The following VPS11 variants were observed in gnomAD, a reference collection of about 807,000 sequenced individuals.
VPS11 encodes the protein vacuolar protein sorting-associated protein 11 homolog.
VPS11 carries 51 observed loss-of-function variants against 106.8 expected under a neutral mutation model. That is an observed-to-expected ratio of 0.48 (90% CI 0.38 to 0.60). VPS11 has a LOEUF of 0.60. Among genes scored for constraint, VPS11 ranks in the 20% least tolerant of loss-of-function variants. VPS11 has a pLI of 0.00. For synonymous variants in VPS11, 453 were observed against 458.7 expected, an observed-to-expected ratio of 0.99 and a Z score of 0.16; for missense variants, 950 against 1,190.0, an observed-to-expected ratio of 0.80 and a Z score of 2.97.
chr11:119,067,958 C>T lies in VPS11; in HGVS notation c.135C>T (p.Leu45=), dbSNP rs2133639919. Residue 45 remains leucine (L), a synonymous_variant, in exon 1 of 16, where the codon CTC becomes CTT. Transcript: ENST00000621676. The part of the protein sequence containing the change: ...SGSAASKFLC[L]PPGITVCDSG... ...CCGCTGCTTCCAAGTTCCTTTGCCT[C>T]CCTCCTGGCATCACTGTCTGCGACT... 5.0e-6 allele frequency: 8 copies of T among 1,612,826 alleles called. No homozygotes were observed. The highest frequency in any genetic ancestry group is 1.7e-5 in the Admixed American group (1 of 59,840).
In VPS11 at chr11:119,071,862, G is replaced by A. The variant is rs782537907; in HGVS notation, c.884+19G>A. On this transcript the variant is annotated intron_variant, in intron 5 of 15. Transcript: ENST00000621676. ...CTCCCAAGTAAGGACTCAGTGAGAA[G>A]GGACAGGGAGAGGGCTGGACTTGTT... 21 of 1,605,560 alleles carry A rather than the reference G, an allele frequency of 1.3e-5. No homozygotes were observed. The highest frequency in any genetic ancestry group is 1.7e-5 in the Admixed American group (1 of 59,822).
Position 119,077,934 on chromosome 11 carries a change from C to G in VPS11, c.1629C>G (p.Ser543Arg), listed in dbSNP as rs781955261. 4 of 1,613,904 alleles carry G rather than the reference C, an allele frequency of 2.5e-6. No individual in the cohort carries two copies. In the South Asian group the frequency reaches 4.4e-5, roughly 18 times the overall value. Residue 543 changes from serine to arginine, a missense_variant, in exon 10 of 16, where the codon AGC becomes AGG. By Grantham distance (110) the Ser-to-Arg change is moderately radical. This residue lies in a region of VPS11 where 453 missense variants were observed against 514.6 expected (regional missense o/e 0.88). Coordinates refer to ENST00000621676, the MANE Select transcript of VPS11 (RefSeq NM_021729.6). ...IGKLPFEQAE[S>R]NMKRYGKILM... ...AGCTGCCTTTTGAGCAGGCAGAGAG[C>G]AACATGAAGCGCTACGGCAAGATCC... is the stretch of plus-strand genomic sequence containing the variant.
chr11:119,076,218 C>T (rs1218274695), intron 7 of VPS11, among the ~76,000 whole-genome samples: 2 of 147,878 alleles, frequency 1.4e-5, no homozygotes, highest in African/African-American at 2.5e-5. Context: ...AGCGAAACTT[C>T]GTCTCAAAAA....
In VPS11 at chr11:119,077,658, C is replaced by CT. The variant is rs1945678917; in HGVS notation, c.1572+12dup. 6.3e-7 allele frequency: 1 copy of CT among 1,579,400 alleles called. No homozygotes were observed. ...CTAGAAGACATTAAGGTAGGTGAGA[C>CT]TGTCTTTTTTCCCCAAGAGACAGGG... is the stretch of plus-strand genomic sequence containing the variant. On this transcript the variant is annotated intron_variant, in intron 9 of 15. Coordinates refer to ENST00000621676, the MANE Select transcript of VPS11 (RefSeq NM_021729.6).
chr11:119,068,112 G>C (rs903912537), intron 1 of VPS11, 102 bp downstream of exon 1: 9 of 1,299,302 alleles, frequency 6.9e-6, no homozygotes, highest in South Asian at 3.0e-5. Flanking sequence ...GCGCCTCTTT[G>C]GTTTAGCTGG....
chr11:119,077,781 A>G, intron 9 of VPS11, 97 bp from the exon 10 acceptor site: 1 of 1,558,880 alleles, frequency 6.4e-7, no homozygotes, highest in Non-Finnish European at 8.7e-7. Context: ...ACTTGGGCAG[A>G]GCCCTGTCGT....
At chr11:119,076,154 A>C (rs111738504) in intron 7 of VPS11, among the ~76,000 whole-genome samples, 4,975 of 152,162 alleles carry the variant, frequency 0.033, 294 homozygotes, top group African/African-American at 0.11. Context: ...TGAACCCAGG[A>C]GGCGGAGGTT....
chr11:119,077,138 C>T, intron 8 of VPS11, 55 bp downstream of exon 8: 2 of 1,568,544 alleles, frequency 1.3e-6, no homozygotes, highest in Non-Finnish European at 1.7e-6. Context: ...CATGAGGTGG[C>T]TCCACCGGGA....
chr11:119,076,632 T>C (rs1945631449), intron 7 of VPS11, among the ~76,000 whole-genome samples: 1 of 152,290 alleles, frequency 6.6e-6, no homozygotes, highest in Admixed American at 6.5e-5. Context: ...AGAAACCTGT[T>C]TGGCCTCTTC....
At chr11:119,076,536 A>T (rs1265860146) in intron 7 of VPS11, among the ~76,000 whole-genome samples, 4 of 152,126 alleles carry the variant, frequency 2.6e-5, no homozygotes, top group Non-Finnish European at 4.4e-5. Context: ...CAAAAAAAAA[A>T]AAATTAATTA....
intron 5 of VPS11, 76 bp downstream of exon 5, chr11:119,071,919 T>C: frequency 6.5e-7 from 1 of 1,548,684 alleles, no homozygotes; most frequent in South Asian, 1.2e-5. Flanking sequence ...AAAATCCTAA[T>C]GCCTGGATAC....
chr11:119,068,608 G>A (rs888763863), intron 1 of VPS11, among the ~76,000 whole-genome samples: 1 of 151,462 alleles, frequency 6.6e-6, no homozygotes, highest in African/African-American at 2.4e-5. Context: ...CACCACACCC[G>A]GCTAATTTTT....
At chr11:119,078,373 G>T (rs1177563) in intron 11 of VPS11, 39 bp downstream of exon 11, 1 of 1,598,204 alleles carries the variant, frequency 6.3e-7, no homozygotes, top group South Asian at 1.1e-5. Flanking sequence ...AAGACAGTTC[G>T]TGCCGTCTCC....
Position 119,080,060 on chromosome 11 carries a change from C to CT in VPS11, c.2438+771dup, listed in dbSNP as rs1043234528. ...ACAGCAAACATGTTAAATAGGCAAACTTTTTTTTTTTCTTTTGAGATAGAG... is the reference window on the plus strand; with the variant it reads ...ACAGCAAACATGTTAAATAGGCAAACTTTTTTTTTTTTCTTTTGAGATAGAG... On this transcript the variant is annotated intron_variant, in intron 14 of 15. Coordinates refer to ENST00000621676, the MANE Select transcript of VPS11 (RefSeq NM_021729.6). Among the ~76,000 whole-genome samples the CT allele has an allele frequency of 1.4e-3, 214 of 148,686 alleles. 2 individuals carry two copies. Among genetic ancestry groups the CT allele is most frequent in the African/African-American group, 4.8e-3 (195 of 40,908 alleles).
rs1326528033 is a variant in VPS11, at chr11:119,078,237, A to G, written c.1826A>G (p.Glu609Gly). 1 of 1,613,794 alleles carries G rather than the reference A, an allele frequency of 6.2e-7. No homozygotes were observed. The highest frequency in any genetic ancestry group is 8.5e-7 in the Non-Finnish European group (1 of 1,179,876). The change falls in exon 11 of 16, where the codon GAG becomes GGG. Residue 609 changes from glutamate to glycine, a missense_variant. This residue lies in a region of VPS11 where 453 missense variants were observed against 514.6 expected (regional missense o/e 0.88). Transcript: ENST00000621676. ...CCGCGAGAGCTGAAAGCCTTCCTAG[A>G]GCACATGAGTGAAGTGCAGCCAGAC... Reference protein sequence around the residue: ...NNPRELKAFLEHMSEVQPDSP... With the variant: ...NNPRELKAFLGHMSEVQPDSP...
intron 8 of VPS11, 103 bp downstream of exon 8, chr11:119,077,186 C>T: frequency 7.1e-7 from 1 of 1,402,328 alleles, no homozygotes; most frequent in Non-Finnish European, 9.7e-7. Context: ...GAGGAAAGGG[C>T]TGACCTTATT....
intron 4 of VPS11, chr11:119,070,715 C>T (rs782520272): frequency 1.2e-5 from 2 of 166,558 alleles, no homozygotes; most frequent in Non-Finnish European, 2.6e-5. Flanking sequence ...AAGCAATTCT[C>T]CTGCCTCAGC....
chr11:119,069,514 G>C lies in VPS11; in HGVS notation c.409G>C (p.Gly137Arg). ...CACTCGAATCTTCCCTGCTATTCCAGGAACAGAGCCAACTGTTGTATCTTG... is the reference window on the plus strand; with the variant it reads ...CACTCGAATCTTCCCTGCTATTCCACGAACAGAGCCAACTGTTGTATCTTG... ...LCTRIFPAIP[G>R]TEPTVVSCLT... is the part of the protein sequence containing the mutation. Residue 137 changes from glycine (G) to arginine (R), a missense_variant, in exon 3 of 16, where the codon GGA (glycine) becomes CGA (arginine). Transcript: ENST00000621676. 1 of 1,614,022 alleles carries C rather than the reference G, an allele frequency of 6.2e-7. No individual in the cohort carries two copies. The highest frequency in any genetic ancestry group is 8.5e-7 in the Non-Finnish European group (1 of 1,179,896).
In VPS11 at chr11:119,081,723, G is replaced by C. The variant is rs1945859864; in HGVS notation, c.*100G>C. 8 of 1,447,638 alleles carry C rather than the reference G, an allele frequency of 5.5e-6. No homozygotes were observed. The highest frequency in any genetic ancestry group is 1.3e-5 in the South Asian group (1 of 75,414). 89.7% of individuals were successfully genotyped at this position (1,447,638 alleles called of 1,614,324 possible). A position where few individuals can be genotyped will look rare whatever the true frequency, so the allele number is the denominator to read the frequency against. On this transcript the variant is annotated 3_prime_UTR_variant, in exon 16 of 16. Transcript: ENST00000621676. ...ACAGAAGGCTGGCTGACATGCCCAG[G>C]GCTCCACTCTCATCTAATGTCACAG...
Sources: allele counts gnomAD v4.1 joint callset (sites outside exome capture counted in the v4.1 genomes callset), GRCh38; gene constraint gnomAD v4.1.1; regional missense constraint gnomAD v4.1.1; transcripts MANE v1.5; gene names NCBI Gene and HGNC (gene_info 2026-07-23, HGNC 2026-07-21).